Variants in CEP112 observed in about 807,000 individuals in gnomAD.
The protein encoded by CEP112 is centrosomal protein 112.
A neutral mutation model predicts 153.0 loss-of-function variants in CEP112; 127 were observed. The ratio of observed to expected loss-of-function variants is 0.83; its 90% CI spans 0.72 to 0.96. The LOEUF is 0.96. CEP112 is among the 40% of genes least tolerant of loss of function. The probability of loss-of-function intolerance (pLI) is 0.00; values close to 1 mark genes in which losing one functional copy is unlikely to be tolerated. For missense variants in CEP112, 1,089 were observed against 1,101.2 expected (o/e 0.99, Z 0.16); for synonymous variants, 358 against 374.4 (o/e 0.96, Z 0.51).
chr17:65,970,254 T>A (rs2062631297), intron 17 of CEP112, among the ~76,000 whole-genome samples: 1 of 151,888 alleles, frequency 6.6e-6, no homozygotes, highest in Non-Finnish European at 1.5e-5. Flanking sequence ...TACATGCATG[T>A]TGCACACATA....
chr17:65,823,382 T>C (rs1051161747), intron 21 of CEP112, among the ~76,000 whole-genome samples: 7 of 152,182 alleles, frequency 4.6e-5, no homozygotes, highest in African/African-American at 1.7e-4. Flanking sequence ...AGGCCACATA[T>C]ATGTGGTCAA....
chr17:66,184,606 T>C (rs1006263117), intron 1 of CEP112, among the ~76,000 whole-genome samples: 2 of 152,100 alleles, frequency 1.3e-5, no homozygotes, highest in Non-Finnish European at 1.5e-5. Flanking sequence ...CAAGTGCTGG[T>C]GAGGATGGAC....
intron 21 of CEP112, among the ~76,000 whole-genome samples, chr17:65,784,625 C>T (rs931533643): frequency 6.6e-6 from 1 of 152,026 alleles, no homozygotes; most frequent in Non-Finnish European, 1.5e-5. Flanking sequence ...GGACTATGGG[C>T]GCATGCCACC....
intron 21 of CEP112, among the ~76,000 whole-genome samples, chr17:65,818,731 TAGC>T (rs2056392432): frequency 6.6e-6 from 1 of 151,908 alleles, no homozygotes; most frequent in Non-Finnish European, 1.5e-5. Context: ...AGCATTCAAA[TAGC>T]AGGAATTCAA....
rs1401210241 is a variant in CEP112, at chr17:65,829,004, AT to A, written c.2394+22799del. On this transcript the variant is annotated intron_variant, in intron 21 of 26. Coordinates refer to ENST00000535342, the MANE Select transcript of CEP112 (RefSeq NM_001199165.4). ...ACAGGCTTTCAGGAAGGTTGTACCA[AT>A]TTATATTCTCAACAATAGCATTTTA... Among the ~76,000 whole-genome samples the A allele has an allele frequency of 2.6e-5, 4 of 152,228 alleles. No homozygotes were observed. The East Asian group carries it at 5.8e-4, about 22-fold the overall frequency.
chr17:65,922,109 C>T (rs2060753464), intron 19 of CEP112, among the ~76,000 whole-genome samples: 1 of 152,020 alleles, frequency 6.6e-6, no homozygotes, highest in African/African-American at 2.4e-5. Context: ...TATAAAAGTA[C>T]CAATTTCACT....
At chr17:65,698,059 A>G (rs1372133037) in intron 23 of CEP112, among the ~76,000 whole-genome samples, 1 of 152,014 alleles carries the variant, frequency 6.6e-6, no homozygotes, top group Non-Finnish European at 1.5e-5. Context: ...CATTCCCAGC[A>G]ACACTTATTT....
At chr17:65,779,276 G>C (rs1375693133) in intron 21 of CEP112, among the ~76,000 whole-genome samples, 3 of 152,190 alleles carry the variant, frequency 2.0e-5, no homozygotes, top group Non-Finnish European at 4.4e-5. Flanking sequence ...GTAGTAGGCA[G>C]ACTGTCATTT....
intron 23 of CEP112, among the ~76,000 whole-genome samples, chr17:65,736,757 C>A (rs1489316155): frequency 6.6e-6 from 1 of 152,166 alleles, no homozygotes; most frequent in African/African-American, 2.4e-5. Flanking sequence ...TGTAATTTCC[C>A]TGCCTCATTG....
At chr17:65,772,400 T>C (rs1277189629) in intron 21 of CEP112, among the ~76,000 whole-genome samples, 2 of 152,002 alleles carry the variant, frequency 1.3e-5, no homozygotes, top group African/African-American at 2.4e-5. Flanking sequence ...ATATCAGAAA[T>C]AGAGACAGGG....
chr17:66,011,658 G>C (rs559894410), intron 16 of CEP112, among the ~76,000 whole-genome samples: 6 of 152,140 alleles, frequency 3.9e-5, no homozygotes, highest in Non-Finnish European at 7.4e-5. Context: ...TTTAGAGTAT[G>C]TGCCATGTGC....
At chr17:65,779,044 T>C (rs2053853595) in intron 21 of CEP112, among the ~76,000 whole-genome samples, 1 of 152,174 alleles carries the variant, frequency 6.6e-6, no homozygotes, top group Non-Finnish European at 1.5e-5. Context: ...CAATTTGTTT[T>C]ATATGCCATA....
intron 6 of CEP112, among the ~76,000 whole-genome samples, chr17:66,118,690 A>G (rs1046283454): frequency 2.0e-5 from 3 of 152,166 alleles, no homozygotes; most frequent in Non-Finnish European, 4.4e-5. Context: ...AACTTACTGT[A>G]TATTTTAAAA....
At chr17:65,942,901 A>G (rs1406605104) in intron 18 of CEP112, among the ~76,000 whole-genome samples, 1 of 152,240 alleles carries the variant, frequency 6.6e-6, no homozygotes, top group Non-Finnish European at 1.5e-5. Context: ...TATACAATTC[A>G]TATTATACAA....
intron 21 of CEP112, among the ~76,000 whole-genome samples, chr17:65,776,923 G>C (rs971506210): frequency 6.6e-6 from 1 of 152,168 alleles, no homozygotes; most frequent in Non-Finnish European, 1.5e-5. Context: ...AATAAGAATA[G>C]TTTCTTATTT....
At chr17:65,970,605 A>G (rs1295491358) in intron 17 of CEP112, among the ~76,000 whole-genome samples, 3 of 151,984 alleles carry the variant, frequency 2.0e-5, no homozygotes, top group Non-Finnish European at 4.4e-5. Flanking sequence ...TTACCTGTAT[A>G]TTGCAGGCAT....
chr17:65,975,376 G>T, intron 17 of CEP112, among the ~76,000 whole-genome samples: 1 of 152,212 alleles, frequency 6.6e-6, no homozygotes, highest in South Asian at 2.1e-4. Flanking sequence ...GAGAGATATA[G>T]AAATATAGAT....
At chr17:65,662,684 T>C (rs2046450545) in intron 24 of CEP112, among the ~76,000 whole-genome samples, 1 of 152,172 alleles carries the variant, frequency 6.6e-6, no homozygotes. Flanking sequence ...GGCCAGCTTT[T>C]TTCTTTACTT....
At chr17:65,779,058 A>C (rs1478760564) in intron 21 of CEP112, among the ~76,000 whole-genome samples, 1 of 152,212 alleles carries the variant, frequency 6.6e-6, no homozygotes, top group Admixed American at 6.5e-5. Context: ...TGCCATAAAT[A>C]GTTTAAGGCA....
Sources: gnomAD v4.1 joint callset for allele counts (sites outside exome capture counted in the v4.1 genomes callset) on GRCh38, gnomAD v4.1.1 for gene constraint, MANE v1.5 for transcripts, NCBI Gene and HGNC (gene_info 2026-07-23, HGNC 2026-07-21) for gene names.